Variants in ARB2A observed in about 807,000 individuals in gnomAD.
The protein encoded by ARB2A is ARB2 cotranscriptional regulator A.
At chr5:94,020,754 A>T in the ARB2A span, among the ~76,000 whole-genome samples, 1 of 152,348 alleles carries the variant, frequency 6.6e-6, no homozygotes, top group South Asian at 2.1e-4. Flanking sequence ...CTGAACTACA[A>T]AAAGCCAGAG....
chr5:93,809,456 T>G, the ARB2A span, among the ~76,000 whole-genome samples: 1 of 152,050 alleles, frequency 6.6e-6, no homozygotes, highest in Non-Finnish European at 1.5e-5. Context: ...TTTGTAACAT[T>G]TCTAGTGCTT....
the ARB2A span, chr5:93,683,716 A>G: frequency 1.6e-5 from 26 of 1,611,136 alleles, no homozygotes; most frequent in African/African-American, 3.1e-4. Context: ...CGAATCTTCC[A>G]TCGGGTGGCG....
the ARB2A span, among the ~76,000 whole-genome samples, chr5:93,869,274 G>C: frequency 6.6e-6 from 1 of 152,166 alleles, no homozygotes; most frequent in African/African-American, 2.4e-5. Context: ...AGTGGGTGAA[G>C]GTTGTGGGAG....
At chr5:93,848,968 C>A in the ARB2A span, among the ~76,000 whole-genome samples, 1 of 152,152 alleles carries the variant, frequency 6.6e-6, no homozygotes, top group Non-Finnish European at 1.5e-5. Context: ...TCTCCAGGAG[C>A]CTTTCAACAC....
At chr5:93,711,291 T>A in the ARB2A span, among the ~76,000 whole-genome samples, 13,134 of 151,456 alleles carry the variant, frequency 0.087, 759 homozygotes, top group Middle Eastern at 0.17. Flanking sequence ...TTGAATTTTT[T>A]AAAAAAAATT....
At chr5:93,944,700 C>CA in the ARB2A span, among the ~76,000 whole-genome samples, 4 of 151,424 alleles carry the variant, frequency 2.6e-5, no homozygotes, top group African/African-American at 7.3e-5. Context: ...AACAAAAGAA[C>CA]AAAAGACAGA....
the ARB2A span, among the ~76,000 whole-genome samples, chr5:94,027,899 T>G: frequency 6.6e-6 from 1 of 152,028 alleles, no homozygotes; most frequent in Non-Finnish European, 1.5e-5. Context: ...GCCCTCAATC[T>G]GTGGTTTCAG....
At chr5:93,676,297 C>T in the ARB2A span, among the ~76,000 whole-genome samples, 1 of 151,982 alleles carries the variant, frequency 6.6e-6, no homozygotes, top group African/African-American at 2.4e-5. Context: ...AGACATTTTA[C>T]ATTCTGGCTT....
the ARB2A span, among the ~76,000 whole-genome samples, chr5:93,770,124 G>A: frequency 6.6e-6 from 1 of 152,066 alleles, no homozygotes; most frequent in Non-Finnish European, 1.5e-5. Context: ...TAAACCCGAA[G>A]GTATCAGGGC....
chr5:93,942,596 T>A, the ARB2A span, among the ~76,000 whole-genome samples: 1 of 151,860 alleles, frequency 6.6e-6, no homozygotes, highest in African/African-American at 2.4e-5. Flanking sequence ...ATTTATTACA[T>A]GTTAAGTTCA....
At chr5:93,776,731 G>A in the ARB2A span, among the ~76,000 whole-genome samples, 1 of 152,034 alleles carries the variant, frequency 6.6e-6, no homozygotes, top group South Asian at 2.1e-4. Flanking sequence ...TGAGCTGAGA[G>A]CGTGCCATTG....
the ARB2A span, among the ~76,000 whole-genome samples, chr5:93,950,536 G>A: frequency 5.3e-5 from 8 of 152,034 alleles, no homozygotes; most frequent in East Asian, 1.9e-4. Context: ...CCAACGACTC[G>A]GGAGGCTGAG....
chr5:94,050,666 C>T, the ARB2A span: 7 of 1,281,714 alleles, frequency 5.5e-6, no homozygotes, highest in Non-Finnish European at 6.4e-6. Flanking sequence ...GCTGCATCTT[C>T]AAAACTTTTA....
At chr5:93,981,554 C>A in the ARB2A span, among the ~76,000 whole-genome samples, 1 of 151,678 alleles carries the variant, frequency 6.6e-6, no homozygotes, top group African/African-American at 2.4e-5. Context: ...AAAAGAGAAC[C>A]CTGAAACACA....
chr5:93,662,001 CAT>C, the ARB2A span, among the ~76,000 whole-genome samples: 1 of 152,056 alleles, frequency 6.6e-6, no homozygotes, highest in African/African-American at 2.4e-5. Flanking sequence ...AGAGATATAC[CAT>C]ATGTCGCATG....
At chr5:94,075,278 A>G in the ARB2A span, among the ~76,000 whole-genome samples, 1 of 152,084 alleles carries the variant, frequency 6.6e-6, no homozygotes, top group Non-Finnish European at 1.5e-5. Flanking sequence ...TAGTGTAATT[A>G]AAAATACAAC....
chr5:93,931,946 C>A, the ARB2A span, among the ~76,000 whole-genome samples: 1 of 152,114 alleles, frequency 6.6e-6, no homozygotes, highest in Non-Finnish European at 1.5e-5. Flanking sequence ...CATATTGTTG[C>A]ATATAATTAT....
At chr5:93,831,306 A>AAAG in the ARB2A span, among the ~76,000 whole-genome samples, 1 of 151,794 alleles carries the variant, frequency 6.6e-6, no homozygotes. Context: ...TGCTAAAAAA[A>AAAG]AAAAAAAAAA....
the ARB2A span, chr5:93,740,891 G>A: frequency 2.5e-6 from 4 of 1,613,978 alleles, no homozygotes; most frequent in African/African-American, 5.3e-5. Flanking sequence ...AATTTCTCCA[G>A]GCTGTTTCCG....
Sources: gnomAD v4.1 joint callset for allele counts (sites outside exome capture counted in the v4.1 genomes callset) on GRCh38, gnomAD v4.1.1 for gene constraint, MANE v1.5 for transcripts, NCBI Gene and HGNC (gene_info 2026-07-23, HGNC 2026-07-21) for gene names.